ZNF569: variants seen among roughly 807,000 people sequenced by gnomAD.
ZNF569 encodes zinc finger protein 569, also known as DNA-binding protein.
In ZNF569, 38 loss-of-function variants were observed where a neutral mutation model predicts 56.3. That is an observed-to-expected ratio of 0.68 (90% CI 0.52 to 0.88). The LOEUF (loss-of-function observed/expected upper bound fraction) is 0.88. Ranked by LOEUF, ZNF569 falls within the 40% of genes least tolerant of loss-of-function variation. The pLI is 0.00. For missense variants in ZNF569, 666 were observed against 809.2 expected (o/e 0.82, Z 2.15); for synonymous variants, 241 against 262.9 (o/e 0.92, Z 0.81).
Position 37,413,353 on chromosome 19 carries a change from C to T in ZNF569, c.1305G>A (p.Glu435=). Residue 435 remains glutamate, a synonymous_variant, in exon 6 of 6, where the codon GAG becomes GAA. Coordinates refer to ENST00000316950, the MANE Select transcript of ZNF569 (RefSeq NM_152484.3). The part of the protein sequence containing the change: ...FITHQKIHTR[E]KPYECNECGK... ...CACATTCATTACACTCATAAGGTTT[C>T]TCTCTAGTATGAATTTTCTGGTGTG... is the stretch of plus-strand genomic sequence containing the variant. The T allele has an allele frequency of 6.2e-7, 1 of 1,607,744 alleles. No homozygotes were observed. The highest frequency in any genetic ancestry group is 1.7e-5 in the Admixed American group (1 of 58,486).
chr19:37,419,728 A>C (rs994948348), intron 5 of ZNF569, among the ~76,000 whole-genome samples: 1 of 152,104 alleles, frequency 6.6e-6, no homozygotes, highest in Non-Finnish European at 1.5e-5. Flanking sequence ...GTCTCAAAAA[A>C]AAAAAATTTA....
intron 5 of ZNF569, 118 bp downstream of exon 5, chr19:37,425,750 C>T: frequency 1.2e-6 from 1 of 865,334 alleles, no homozygotes; most frequent in Middle Eastern, 2.5e-4. Context: ...TAGGTATGAA[C>T]CACTGTGCCA....
chr19:37,468,066 T>C, upstream of ZNF569: 1 of 734,144 alleles, frequency 1.4e-6, no homozygotes, highest in Non-Finnish European at 2.1e-6. Context: ...CTCTATGCCT[T>C]TCGTGTTTTT....
intron 2 of ZNF569, among the ~76,000 whole-genome samples, chr19:37,465,059 CT>C (rs1403953548): frequency 1.3e-5 from 2 of 152,220 alleles, no homozygotes; most frequent in African/African-American, 4.8e-5. Flanking sequence ...ATTTTAGCCT[CT>C]TCATTAACAG....
chr19:37,441,418 G>A lies in ZNF569; in HGVS notation c.15+3489C>T, dbSNP rs375987677. 4.6e-5 allele frequency among the ~76,000 whole-genome samples: 7 copies of A among 152,328 alleles called. No individual in the cohort carries two copies. In the South Asian group the frequency reaches 1.2e-3, roughly 27 times the overall value. ...TGCCTGTAATCCCAACACTTTGGGA[G>A]GCCGAGAGGCAGGAGGATTGCCTGA... On this transcript the variant is annotated intron_variant, in intron 3 of 5. Transcript: ENST00000316950.
intron 3 of ZNF569, among the ~76,000 whole-genome samples, chr19:37,439,192 T>G (rs919993336): frequency 6.6e-6 from 1 of 152,216 alleles, no homozygotes; most frequent in African/African-American, 2.4e-5. Context: ...TGCCTCAGCC[T>G]CCTGAGTAGC....
At chr19:37,443,630 T>C (rs1255215492) in intron 3 of ZNF569, among the ~76,000 whole-genome samples, 1 of 152,122 alleles carries the variant, frequency 6.6e-6, no homozygotes, top group Admixed American at 6.6e-5. Flanking sequence ...CAGCAGCAAA[T>C]GCCCATTGAA....
rs917244685 is a variant in ZNF569 at position 37,411,729 on chromosome 19, T to C, written c.*868A>G. On this transcript the variant is annotated 3_prime_UTR_variant, in exon 6 of 6. Coordinates refer to ENST00000316950, the MANE Select transcript of ZNF569 (RefSeq NM_152484.3). ...TGATATAAAGTAGAAAGCTAAAATT[T>C]TTCTCCTATGAACCTTCCATTTATT... 3 of 152,166 alleles carry C rather than the reference T, an allele frequency of 2.0e-5. No individual in the cohort carries two copies. Among genetic ancestry groups the C allele is most frequent in the African/African-American group, 7.2e-5 (3 of 41,456 alleles). The allele number at this position is 152,166 out of a possible 1,614,324, so 9.4% of individuals were successfully genotyped here. A position where few individuals can be genotyped will look rare whatever the true frequency, so the allele number is the denominator to read the frequency against.
intron 3 of ZNF569, among the ~76,000 whole-genome samples, chr19:37,442,990 A>G (rs527972606): frequency 6.6e-6 from 1 of 152,348 alleles, no homozygotes; most frequent in East Asian, 1.9e-4. Flanking sequence ...TTACACAGGT[A>G]TGTTCATTTT....
intron 3 of ZNF569, chr19:37,427,940 G>T: frequency 3.4e-6 from 1 of 291,320 alleles, no homozygotes; most frequent in South Asian, 3.1e-5. Flanking sequence ...ACACACTCTT[G>T]CTGGGACTAC....
intron 2 of ZNF569, among the ~76,000 whole-genome samples, chr19:37,449,940 T>C (rs2041565119): frequency 6.6e-6 from 1 of 152,212 alleles, no homozygotes; most frequent in South Asian, 2.1e-4. Flanking sequence ...TTGTTCTTTT[T>C]CGCTCTCCTT....
chr19:37,457,192 C>A (rs1000951963), intron 2 of ZNF569, among the ~76,000 whole-genome samples: 8 of 152,158 alleles, frequency 5.3e-5, no homozygotes, highest in African/African-American at 1.9e-4. Flanking sequence ...ATGCCATTAT[C>A]ACACCAAAGA....
chr19:37,412,639 T>C lies in ZNF569; in HGVS notation c.2019A>G (p.Gln673=), dbSNP rs920540660. The C allele has an allele frequency of 1.9e-6, 3 of 1,610,444 alleles. No individual in the cohort carries two copies. Among genetic ancestry groups the C allele is most frequent in the Non-Finnish European group, 2.5e-6 (3 of 1,178,588 alleles). The change falls in exon 6 of 6, where the codon CAA becomes CAG. Residue 673 remains glutamine (Q), a synonymous_variant. Coordinates refer to ENST00000316950, the MANE Select transcript of ZNF569 (RefSeq NM_152484.3). ...TCTGGTGTCTAACAAGGTGCGACTT[T>C]TGGCTGAAAGCCTTGCCACACTCAA... ...HCIECGKAFS[Q]KSHLVRHQRI...
At chr19:37,417,669 C>T (rs569391414) in intron 5 of ZNF569, among the ~76,000 whole-genome samples, 5 of 152,198 alleles carry the variant, frequency 3.3e-5, no homozygotes, top group African/African-American at 9.6e-5. Context: ...AGATGACATT[C>T]GTAAGTTAAT....
chr19:37,468,004 T>G, upstream of ZNF569: 1 of 1,433,296 alleles, frequency 7.0e-7, no homozygotes, highest in Non-Finnish European at 9.5e-7. Context: ...GCCTGACTTC[T>G]AAACAGACTT....
At chr19:37,420,543 C>T (rs1158130493) in intron 5 of ZNF569, among the ~76,000 whole-genome samples, 1 of 152,176 alleles carries the variant, frequency 6.6e-6, no homozygotes, top group Non-Finnish European at 1.5e-5. Flanking sequence ...TTTGTTCACC[C>T]ATAAGAAGTA....
chr19:37,426,405 T>G, intron 3 of ZNF569, 27 bp from the exon 4 acceptor site: 1 of 1,567,904 alleles, frequency 6.4e-7, no homozygotes. Flanking sequence ...CCACTCAATC[T>G]GAAGTCATCC....
intron 3 of ZNF569, among the ~76,000 whole-genome samples, chr19:37,434,856 C>G (rs1427368198): frequency 6.6e-6 from 1 of 152,242 alleles, no homozygotes; most frequent in African/African-American, 2.4e-5. Context: ...TTGCTCCTAA[C>G]TCCACCACCT....
At chr19:37,443,286 C>T (rs2146936516) in intron 3 of ZNF569, among the ~76,000 whole-genome samples, 1 of 152,222 alleles carries the variant, frequency 6.6e-6, no homozygotes, top group South Asian at 2.1e-4. Context: ...GCAGAGGTTG[C>T]AGTGAGCCAA....
Sources: gnomAD v4.1 joint callset for allele counts (sites outside exome capture counted in the v4.1 genomes callset) on GRCh38, gnomAD v4.1.1 for gene constraint, MANE v1.5 for transcripts, NCBI Gene and HGNC (gene_info 2026-07-23, HGNC 2026-07-21) for gene names.